TBCD: variants seen among roughly 807,000 people sequenced by gnomAD.
The protein encoded by TBCD is tubulin folding cofactor D, also known as tubulin-specific chaperone D.
TBCD carries 105 observed loss-of-function variants against 169.3 expected under a neutral mutation model. The observed-to-expected ratio is 0.62, with a 90% confidence interval of 0.53 to 0.73. The LOEUF (loss-of-function observed/expected upper bound fraction) is 0.73, where lower values mean the gene tolerates loss of function less well. Ranked by LOEUF, TBCD falls within the 30% of genes least tolerant of loss-of-function variation. The pLI is 0.00. For missense variants in TBCD, 1,444 were observed against 1,600.1 expected, an observed-to-expected ratio of 0.90 and a Z score of 1.66; for synonymous variants, 700 against 643.9, an observed-to-expected ratio of 1.09 and a Z score of -1.32.
Position 82,884,134 on chromosome 17 carries a change from C to G in TBCD, c.1476-11C>G, listed in dbSNP as rs766429175. 8.1e-6 allele frequency: 13 copies of G among 1,603,366 alleles called. No individual in the cohort carries two copies. In the Admixed American group the frequency reaches 1.7e-4, roughly 21 times the overall value. ...AATTTCTTTTTAATTAATCCTTTCT[C>G]TTTTTCACAGTGCACTGGTGATTGC... is the stretch of plus-strand genomic sequence containing the variant. On this transcript the variant is annotated splice_polypyrimidine_tract_variant and intron_variant, in intron 14 of 38. Coordinates refer to ENST00000355528, the MANE Select transcript of TBCD (RefSeq NM_005993.5). This position sits in a 1 kb window ranked among gnomAD's most constrained non-coding sequence, Gnocchi z 4.2.
At position 82,903,516 on chromosome 17, in the gene TBCD, A is replaced by G; in HGVS notation, c.1804+38A>G. Reference sequence around the variant, plus strand: ...CCCGGCCGGCCTGCGGGCACCATGCATGCACTGCAGAAAGGCCTGGGTTGC... The same window carrying G: ...CCCGGCCGGCCTGCGGGCACCATGCGTGCACTGCAGAAAGGCCTGGGTTGC... On this transcript the variant is annotated intron_variant, in intron 19 of 38. Transcript: ENST00000355528. This position sits in a 1 kb window ranked among gnomAD's most constrained non-coding sequence, Gnocchi z 4.8. 6.4e-7 allele frequency: 1 copy of G among 1,557,700 alleles called. No individual in the cohort carries two copies. The highest frequency in any genetic ancestry group is 1.2e-5 in the South Asian group (1 of 84,724).
At position 82,806,020 on chromosome 17, in the gene TBCD, G is replaced by C; in HGVS notation, c.1087+9G>C. 6.2e-7 allele frequency: 1 copy of C among 1,610,720 alleles called. No individual in the cohort carries two copies. The highest frequency in any genetic ancestry group is 8.5e-7 in the Non-Finnish European group (1 of 1,177,292). On this transcript the variant is annotated intron_variant, in intron 10 of 38. Coordinates refer to ENST00000355528, the MANE Select transcript of TBCD (RefSeq NM_005993.5). The surrounding 1 kb of genome is among the most constrained non-coding windows in gnomAD (Gnocchi z 5.1). ...GGTGGAGCGTGTGATAGGTGCGTGG[G>C]GTCTAAGCGGCGGCCTCTGCTCTTG...
chr17:82,924,912 C>T, intron 26 of TBCD, 27 bp from the exon 27 acceptor site: 4 of 1,540,822 alleles, frequency 2.6e-6, no homozygotes, highest in Non-Finnish European at 2.6e-6. Context: ...CAGAGGGCCT[C>T]TCTTCACACT....
chr17:82,816,533 GC>G (rs1447331236), intron 13 of TBCD, among the ~76,000 whole-genome samples: 1 of 151,844 alleles, frequency 6.6e-6, no homozygotes, highest in East Asian at 1.9e-4. Flanking sequence ...ACCAACACTT[GC>G]TTTTATCTTT....
chr17:82,862,473 G>A (rs911393997), intron 13 of TBCD, among the ~76,000 whole-genome samples: 2 of 151,996 alleles, frequency 1.3e-5, no homozygotes, highest in Admixed American at 6.5e-5. Flanking sequence ...ATGGCCTTGG[G>A]TTCTTTCCTC....
chr17:82,835,954 G>A lies in TBCD; in HGVS notation c.1318+21020G>A, dbSNP rs141011343. ...TTACCCTACAACCAGGGAGGGTGTC[G>A]GGTGACACCCTGGGCTCAGACCCCG... On this transcript the variant is annotated intron_variant, in intron 13 of 38. Coordinates refer to ENST00000355528, the MANE Select transcript of TBCD (RefSeq NM_005993.5). This position sits in a 1 kb window ranked among gnomAD's most constrained non-coding sequence, Gnocchi z 4.5. Among the ~76,000 whole-genome samples the A allele has an allele frequency of 3.9e-5, 6 of 152,274 alleles. No individual in the cohort carries two copies. The highest frequency in any genetic ancestry group is 2.1e-4 in the South Asian group (1 of 4,832).
intron 7 of TBCD, among the ~76,000 whole-genome samples, chr17:82,792,448 A>T (rs2049811590): frequency 6.6e-6 from 1 of 152,234 alleles, no homozygotes; most frequent in Non-Finnish European, 1.5e-5. Context: ...CATTGACCAG[A>T]ATGTTCTATG....
rs149201180 is a variant in TBCD, at chr17:82,926,550, G to A, written c.2471+59G>A. ...GTCTCTGAAAGGCCAGCAGATGAAC[G>A]CTAAGGGGGATGTTTTTGCTCAGAG... is the stretch of plus-strand genomic sequence containing the variant. On this transcript the variant is annotated intron_variant, in intron 28 of 38. Coordinates refer to ENST00000355528, the MANE Select transcript of TBCD (RefSeq NM_005993.5). 1.9e-5 allele frequency: 27 copies of A among 1,428,574 alleles called. No homozygotes were observed. In the Admixed American group the frequency reaches 2.0e-4, roughly 10 times the overall value. The allele number at this position is 1,428,574 out of a possible 1,614,324, so 88.5% of individuals were successfully genotyped here.
intron 3 of TBCD, 39 bp from the exon 4 acceptor site, chr17:82,766,228 T>C: frequency 6.5e-7 from 1 of 1,546,766 alleles, no homozygotes; most frequent in Non-Finnish European, 8.8e-7. Flanking sequence ...GCTCTCTGTA[T>C]TTTTAAATGT....
chr17:82,896,454 T>C (rs1024129207), intron 17 of TBCD, among the ~76,000 whole-genome samples: 9 of 19,174 alleles, frequency 4.7e-4, no homozygotes, highest in East Asian at 1.6e-3. Context: ...GTGCTGTCAG[T>C]TTTTTTTTTT....
At chr17:82,929,645 G>A (rs1194279014) in intron 32 of TBCD, 145 bp downstream of exon 32, 2 of 1,160,490 alleles carry the variant, frequency 1.7e-6, no homozygotes, top group Non-Finnish European at 2.5e-6. Flanking sequence ...GGGGGTCAGG[G>A]GCCCAGTGTC....
At chr17:82,774,642 C>T (rs574288044) in intron 6 of TBCD, among the ~76,000 whole-genome samples, 100 of 152,218 alleles carry the variant, frequency 6.6e-4, no homozygotes, top group Non-Finnish European at 1.1e-3. Flanking sequence ...GAGGCACCCC[C>T]CACCTCCCAG....
intron 9 of TBCD, among the ~76,000 whole-genome samples, 157 bp downstream of exon 9, chr17:82,801,153 T>C (rs1170574039): frequency 2.9e-5 from 1 of 33,900 alleles, no homozygotes; most frequent in African/African-American, 1.2e-4. Context: ...GCAGGCGCCA[T>C]GGGGTGGGGA....
intron 23 of TBCD, chr17:82,914,132 A>C (rs1256485064): frequency 6.6e-6 from 1 of 152,332 alleles, no homozygotes; most frequent in Non-Finnish European, 1.5e-5. Context: ...CTGCACAAGT[A>C]ACCGTGGAAC....
chr17:82,762,434 G>T (rs1454409240), intron 2 of TBCD, among the ~76,000 whole-genome samples: 1 of 151,972 alleles, frequency 6.6e-6, no homozygotes, highest in Non-Finnish European at 1.5e-5. Context: ...CTGAGTAGCA[G>T]AAAGTGTCTT....
In TBCD at chr17:82,817,958, G is replaced by C. The variant is rs74002519; in HGVS notation, c.1318+3024G>C. Among the ~76,000 whole-genome samples the C allele has an allele frequency of 9.4e-3, 1,438 of 152,304 alleles. 17 individuals carry two copies. Among genetic ancestry groups the C allele is most frequent in the African/African-American group, 0.032 (1,331 of 41,556 alleles). ...ACACTAGATGTGTGTGAGGGTGTGTGTGTGAATGTGTAGCTGGGATGGAAT... is the reference window on the plus strand; with the variant it reads ...ACACTAGATGTGTGTGAGGGTGTGTCTGTGAATGTGTAGCTGGGATGGAAT... On this transcript the variant is annotated intron_variant, in intron 13 of 38. Transcript: ENST00000355528.
chr17:82,754,729 A>G (rs940173080), intron 1 of TBCD, among the ~76,000 whole-genome samples: 9 of 152,234 alleles, frequency 5.9e-5, no homozygotes, highest in African/African-American at 2.2e-4. Context: ...TTCCTCACAG[A>G]TCACTTTTGC....
chr17:82,830,888 C>A (rs757045731), intron 13 of TBCD: 1 of 1,612,686 alleles, frequency 6.2e-7, no homozygotes. Context: ...CTAGAAGAAG[C>A]CAAGAAAAAG....
At chr17:82,870,117 C>A in intron 13 of TBCD, 107 bp from the exon 14 acceptor site, 2 of 1,488,786 alleles carry the variant, frequency 1.3e-6, no homozygotes, top group South Asian at 1.2e-5. Context: ...GTGCCTCACT[C>A]ATCTGGCACC....
Sources: allele counts gnomAD v4.1 joint callset (sites outside exome capture counted in the v4.1 genomes callset), GRCh38; gene constraint gnomAD v4.1.1; non-coding constraint Gnocchi (gnomAD v3.1); transcripts MANE v1.5; gene names NCBI Gene and HGNC (gene_info 2026-07-23, HGNC 2026-07-21).